OR52N4: variants seen among roughly 807,000 people sequenced by gnomAD.
The protein encoded by OR52N4 is olfactory receptor family 52 subfamily N member 4, also known as olfactory receptor 52N4.
In OR52N4, 15 loss-of-function variants were observed where a neutral mutation model predicts 15.0. That is an observed-to-expected ratio of 1.00 (90% confidence interval 0.67 to 1.54). OR52N4 has a LOEUF of 1.54. Ranked by LOEUF, OR52N4 falls within the 40% of genes most tolerant of loss-of-function variation. The probability of loss-of-function intolerance (pLI) is 0.00; values close to 1 mark genes in which losing one functional copy is unlikely to be tolerated. For missense variants in OR52N4, 421 were observed against 394.0 expected (o/e 1.07, Z -0.58); for synonymous variants, 143 against 143.7 (o/e 1.00, Z 0.03).
the OR52N4 span, among the ~76,000 whole-genome samples, chr11:5,745,863 C>T: frequency 1.9e-3 from 296 of 152,218 alleles, no homozygotes; most frequent in Non-Finnish European, 3.2e-3. Context: ...AACTACAATG[C>T]TATAGTAACC....
Position 5,754,815 on chromosome 11 carries a change from A to C in OR52N4, c.75A>C (p.Thr25=), listed in dbSNP as rs1304993936. 13 of 1,613,756 alleles carry C rather than the reference A, an allele frequency of 8.1e-6. No homozygotes were observed. In the South Asian group the frequency reaches 1.4e-4, roughly 18 times the overall value. The stretch of plus-strand genomic sequence containing the variant: ...ATGGAGTCCCAGGACTGGAAGACAC[A>C]CAACTCTGGATTTCCTTCCCATTCT... The part of the protein sequence containing the change: ...ILNGVPGLED[T]QLWISFPFCS... Residue 25 remains threonine (T), a synonymous_variant, in exon 2 of 2, where the codon ACA becomes ACC. Coordinates refer to ENST00000641350, the MANE Select transcript of OR52N4 (RefSeq NM_001005175.5).
the OR52N4 span, among the ~76,000 whole-genome samples, chr11:5,728,240 T>C: frequency 2.6e-4 from 39 of 151,678 alleles, no homozygotes; most frequent in African/African-American, 4.3e-4. Flanking sequence ...TCAGAAGTCA[T>C]TGACTTATCT....
chr11:5,734,524 G>A, the OR52N4 span, among the ~76,000 whole-genome samples: 2 of 151,946 alleles, frequency 1.3e-5, no homozygotes, highest in Non-Finnish European at 1.5e-5. Flanking sequence ...TAGCAGAATC[G>A]TATTCTATGT....
At chr11:5,738,578 C>T in the OR52N4 span, 2 of 151,806 alleles carry the variant, frequency 1.3e-5, no homozygotes, top group East Asian at 3.9e-4. Context: ...GACTCACTGG[C>T]TTTATTTATA....
the OR52N4 span, among the ~76,000 whole-genome samples, chr11:5,742,504 C>T: frequency 6.6e-6 from 1 of 152,256 alleles, no homozygotes; most frequent in African/African-American, 2.4e-5. Context: ...AAATAAACCT[C>T]GTCAGAGTAA....
At chr11:5,731,208 T>C in the OR52N4 span, among the ~76,000 whole-genome samples, 1 of 152,194 alleles carries the variant, frequency 6.6e-6, no homozygotes, top group African/African-American at 2.4e-5. Flanking sequence ...GAAAAGGACA[T>C]TGAGGAATTA....
chr11:5,726,479 T>A, the OR52N4 span: 3 of 152,144 alleles, frequency 2.0e-5, no homozygotes, highest in African/African-American at 4.8e-5. Context: ...CCACAGAGAA[T>A]GTCCAGCACT....
chr11:5,731,854 C>T, the OR52N4 span, among the ~76,000 whole-genome samples: 1,350 of 152,022 alleles, frequency 8.9e-3, 11 homozygotes, highest in Middle Eastern at 0.017. Context: ...TTATTTTTCC[C>T]GATTTTAAAA....
the OR52N4 span, among the ~76,000 whole-genome samples, chr11:5,734,773 C>G: frequency 1.3e-5 from 2 of 152,064 alleles, no homozygotes; most frequent in South Asian, 4.1e-4. Context: ...CAGGATAAAA[C>G]TATTGTGTTG....
At chr11:5,741,854 T>G in the OR52N4 span, among the ~76,000 whole-genome samples, 10 of 152,226 alleles carry the variant, frequency 6.6e-5, no homozygotes, top group Admixed American at 4.6e-4. Flanking sequence ...GTTATGGAAA[T>G]GGTGTCCTTA....
At chr11:5,739,563 A>C in the OR52N4 span, among the ~76,000 whole-genome samples, 5 of 24,024 alleles carry the variant, frequency 2.1e-4, no homozygotes, top group African/African-American at 6.2e-4. Flanking sequence ...CTCTGACTCA[A>C]AAAAAAAAAA....
At chr11:5,741,981 G>T in the OR52N4 span, among the ~76,000 whole-genome samples, 2 of 152,044 alleles carry the variant, frequency 1.3e-5, no homozygotes, top group East Asian at 1.9e-4. Flanking sequence ...AAGAATTTCT[G>T]AAACCAAAAA....
the OR52N4 span, chr11:5,737,584 G>A: frequency 8.6e-3 from 9,922 of 1,154,922 alleles, 566 homozygotes; most frequent in African/African-American, 0.13. Flanking sequence ...ATACCTTTGG[G>A]ATTCCCTTTT....
At chr11:5,748,928 T>C in the OR52N4 span, among the ~76,000 whole-genome samples, 2 of 152,148 alleles carry the variant, frequency 1.3e-5, no homozygotes, top group Non-Finnish European at 2.9e-5. Flanking sequence ...GTATCATTAT[T>C]TGGACACTGA....
At chr11:5,753,528 T>C (rs375810874), upstream of OR52N4, among the ~76,000 whole-genome samples, 11 of 152,186 alleles carry the variant, frequency 7.2e-5, no homozygotes, top group East Asian at 9.6e-4. Flanking sequence ...GGATATCTTC[T>C]AGTTTGCGTT....
chr11:5,743,165 T>A, the OR52N4 span, among the ~76,000 whole-genome samples: 1 of 83,232 alleles, frequency 1.2e-5, no homozygotes, highest in African/African-American at 4.4e-5. Context: ...GCAATGTTAA[T>A]CAATTCAAGA....
At chr11:5,731,473 T>C in the OR52N4 span, among the ~76,000 whole-genome samples, 1 of 152,220 alleles carries the variant, frequency 6.6e-6, no homozygotes, top group African/African-American at 2.4e-5. Context: ...CGTCTCAGAA[T>C]TGTAAGCCTT....
upstream of OR52N4, among the ~76,000 whole-genome samples, chr11:5,751,838 G>A (rs1413855930): frequency 1.3e-5 from 2 of 152,064 alleles, no homozygotes; most frequent in Non-Finnish European, 2.9e-5. Context: ...GAGAATAATT[G>A]TTTGAACAAA....
chr11:5,752,789 T>A (rs1465867051), upstream of OR52N4, among the ~76,000 whole-genome samples: 1 of 152,172 alleles, frequency 6.6e-6, no homozygotes, highest in African/African-American at 2.4e-5. Flanking sequence ...TTCTACCACA[T>A]ACTGCCTTTC....
Sources: gnomAD v4.1 joint callset for allele counts (sites outside exome capture counted in the v4.1 genomes callset) on GRCh38, gnomAD v4.1.1 for gene constraint, MANE v1.5 for transcripts, NCBI Gene and HGNC (gene_info 2026-07-23, HGNC 2026-07-21) for gene names.